The following LHCGR variants were observed in gnomAD, a reference collection of about 807,000 sequenced individuals.
The protein encoded by LHCGR is luteinizing hormone/choriogonadotropin receptor.
A neutral mutation model predicts 60.7 loss-of-function variants in LHCGR; 55 were observed. That is an observed-to-expected ratio of 0.91 (90% CI 0.73 to 1.13). LHCGR has a LOEUF of 1.13. LHCGR is among the 50% of genes most tolerant of loss of function. The pLI is 0.00. For synonymous variants in LHCGR, 337 were observed against 316.5 expected (o/e 1.06, Z -0.69); for missense variants, 862 against 836.0 (o/e 1.03, Z -0.38).
chr2:48,693,255 G>A (rs1666949074), intron 10 of LHCGR, among the ~76,000 whole-genome samples: 1 of 151,602 alleles, frequency 6.6e-6, no homozygotes, highest in South Asian at 2.1e-4. Flanking sequence ...TACCCTTGGT[G>A]TTGTCGCATT....
At chr2:48,716,129 A>G (rs190997148) in intron 6 of LHCGR, among the ~76,000 whole-genome samples, 2 of 152,200 alleles carry the variant, frequency 1.3e-5, no homozygotes, top group Admixed American at 1.3e-4. Context: ...AATCTGAAGC[A>G]TGTTTCTGAA....
chr2:48,706,818 C>T (rs1386786630), intron 8 of LHCGR, among the ~76,000 whole-genome samples: 2 of 152,008 alleles, frequency 1.3e-5, no homozygotes, highest in South Asian at 4.2e-4. Context: ...TTTTAGCTTC[C>T]TTGTGATGGG....
chr2:48,728,677 A>T (rs1401775591), intron 3 of LHCGR, among the ~76,000 whole-genome samples: 1 of 152,182 alleles, frequency 6.6e-6, no homozygotes, highest in Non-Finnish European at 1.5e-5. Flanking sequence ...ATTCCAAAAC[A>T]TCACAATAAC....
chr2:48,741,373 C>G (rs1669444391), intron 1 of LHCGR, among the ~76,000 whole-genome samples: 1 of 152,050 alleles, frequency 6.6e-6, no homozygotes, highest in African/African-American at 2.4e-5. Flanking sequence ...AAGAGCAACT[C>G]CAAGACACAT....
chr2:48,749,770 A>C lies in LHCGR; in HGVS notation c.161+5741T>G, dbSNP rs565638656. Among the ~76,000 whole-genome samples the C allele has an allele frequency of 2.0e-5, 3 of 151,996 alleles. No individual in the cohort carries two copies. In the East Asian group the frequency reaches 5.8e-4, roughly 29 times the overall value. ...AAACCCAAGGAATTACTACTCTCCA[A>C]GGAGGGAGCTGGGTCCAATGCCAAA... On this transcript the variant is annotated intron_variant, in intron 1 of 10. Coordinates refer to ENST00000294954, the MANE Select transcript of LHCGR (RefSeq NM_000233.4).
At chr2:48,729,047 C>G (rs1668867992) in intron 3 of LHCGR, 106 bp downstream of exon 3, 2 of 919,480 alleles carry the variant, frequency 2.2e-6, no homozygotes, top group African/African-American at 1.6e-5. Context: ...GTAGTCTTTT[C>G]CTTTTGGATT....
chr2:48,708,477 G>A (rs958297251), intron 8 of LHCGR, among the ~76,000 whole-genome samples: 1 of 152,078 alleles, frequency 6.6e-6, no homozygotes, highest in African/African-American at 2.4e-5. Flanking sequence ...GTTAAAATGA[G>A]TTTATTAGGG....
At chr2:48,732,295 G>T (rs1669028894) in intron 1 of LHCGR, among the ~76,000 whole-genome samples, 2 of 152,238 alleles carry the variant, frequency 1.3e-5, no homozygotes, top group Admixed American at 1.3e-4. Context: ...AAGTGAGTAT[G>T]TGAGTATCAG....
At chr2:48,746,153 A>G (rs1420698768) in intron 1 of LHCGR, among the ~76,000 whole-genome samples, 1 of 152,236 alleles carries the variant, frequency 6.6e-6, no homozygotes, top group Non-Finnish European at 1.5e-5. Flanking sequence ...TTACTGTGAA[A>G]GATTTAGGCC....
chr2:48,731,298 T>G lies in LHCGR; in HGVS notation c.162A>C (p.Leu54=). 6.2e-7 allele frequency: 1 copy of G among 1,609,252 alleles called. No individual in the cohort carries two copies. The highest frequency in any genetic ancestry group is 1.3e-5 in the African/African-American group (1 of 74,938). ...CTTTGACAGGGAGGTAGGCAAGTGA[T>G]CTAGAAAAGAAAAAAGGAAATCCAA... ...CPGPTAGLTR[L]SLAYLPVKVI... The change falls in exon 2 of 11, where the codon CTA becomes CTC. Residue 54 remains leucine, a splice_region_variant and synonymous_variant. Transcript: ENST00000294954.
intron 1 of LHCGR, among the ~76,000 whole-genome samples, chr2:48,741,692 C>T (rs1458828616): frequency 1.7e-4 from 26 of 151,242 alleles, no homozygotes; most frequent in African/African-American, 2.4e-4. Flanking sequence ...CTGAAGGAAG[C>T]GCTAAACATG....
intron 6 of LHCGR, among the ~76,000 whole-genome samples, chr2:48,722,615 G>C (rs1317290560): frequency 1.3e-5 from 2 of 152,098 alleles, no homozygotes; most frequent in Admixed American, 1.3e-4. Context: ...TACTGCTCCT[G>C]GCCATGTGAG....
chr2:48,688,271 A>T lies in LHCGR; in HGVS notation c.1526T>A (p.Met509Lys). 1 of 1,614,104 alleles carries T rather than the reference A, an allele frequency of 6.2e-7. No homozygotes were observed. The highest frequency in any genetic ancestry group is 8.5e-7 in the Non-Finnish European group (1 of 1,179,942). Residue 509 changes from methionine to lysine, a missense_variant, in exon 11 of 11, where the codon ATG becomes AAG. Physicochemically the swap from Met to Lys is moderately conservative, Grantham distance 95. Transcript: ENST00000294954. The surrounding 1 kb of genome is among the most constrained non-coding windows in gnomAD (Gnocchi z 5.2). The part of the protein sequence containing the change: ...MLPLVGVSNY[M>K]KVSICFPMDV... The stretch of plus-strand genomic sequence containing the variant: ...CATGGGGAAGCAAATACTGACCTTC[A>T]TGTAATTGCTGACACCGACAAGGGG...
At chr2:48,707,367 G>A (rs999730748) in intron 8 of LHCGR, among the ~76,000 whole-genome samples, 1 of 152,226 alleles carries the variant, frequency 6.6e-6, no homozygotes, top group Admixed American at 6.5e-5. Flanking sequence ...CAAGCTACAT[G>A]GGGGTCAGGG....
intron 1 of LHCGR, among the ~76,000 whole-genome samples, chr2:48,754,157 A>G (rs1670102957): frequency 6.6e-6 from 1 of 152,220 alleles, no homozygotes; most frequent in Admixed American, 6.5e-5. Flanking sequence ...TGGACCTGAC[A>G]AGATAATTAA....
At chr2:48,747,986 G>A (rs1483263526) in intron 1 of LHCGR, among the ~76,000 whole-genome samples, 1 of 152,104 alleles carries the variant, frequency 6.6e-6, no homozygotes, top group Non-Finnish European at 1.5e-5. Context: ...TGAGCTTAGG[G>A]GATAACCATG....
intron 8 of LHCGR, among the ~76,000 whole-genome samples, chr2:48,704,786 CTTT>C (rs1461231466): frequency 6.6e-6 from 1 of 152,008 alleles, no homozygotes; most frequent in Non-Finnish European, 1.5e-5. Context: ...CTCTTTTCTT[CTTT>C]ATTAGTCTTG....
At chr2:48,735,081 G>A (rs1669156022) in intron 1 of LHCGR, among the ~76,000 whole-genome samples, 1 of 152,230 alleles carries the variant, frequency 6.6e-6, no homozygotes, top group South Asian at 2.1e-4. Flanking sequence ...CCTTGCCCAA[G>A]TGCCTTTGCC....
At chr2:48,717,034 G>A (rs141016524) in intron 6 of LHCGR, among the ~76,000 whole-genome samples, 1 of 152,272 alleles carries the variant, frequency 6.6e-6, no homozygotes, top group East Asian at 1.9e-4. Context: ...GGATGATACT[G>A]TTCTCATCAT....
Sources: allele counts gnomAD v4.1 joint callset (sites outside exome capture counted in the v4.1 genomes callset), GRCh38; gene constraint gnomAD v4.1.1; non-coding constraint Gnocchi (gnomAD v3.1); transcripts MANE v1.5; gene names NCBI Gene and HGNC (gene_info 2026-07-23, HGNC 2026-07-21).